ZNF644: variants seen among roughly 807,000 people sequenced by gnomAD.
The protein encoded by ZNF644 is zinc finger protein 644, also known as zinc finger motif enhancer binding protein 2.
In ZNF644, 20 loss-of-function variants were observed where a neutral mutation model predicts 108.0. That is an observed-to-expected ratio of 0.19 (90% CI 0.13 to 0.27). The LOEUF is 0.27. Ranked by LOEUF, ZNF644 falls within the 10% of genes least tolerant of loss-of-function variation. The pLI is 1.00. For missense variants in ZNF644, 1,338 were observed against 1,548.9 expected (o/e 0.86, Z 2.29); for synonymous variants, 542 against 539.1 (o/e 1.01, Z -0.08).
chr1:91,016,652 TGAAA>T (rs1204820717), intron 1 of ZNF644, among the ~76,000 whole-genome samples: 11 of 152,210 alleles, frequency 7.2e-5, no homozygotes, highest in South Asian at 2.1e-4. Context: ...AAGAAACTAA[TGAAA>T]GAGATACTTT....
chr1:91,006,325 T>C (rs1255772836), intron 1 of ZNF644, among the ~76,000 whole-genome samples: 1 of 152,132 alleles, frequency 6.6e-6, no homozygotes, highest in Non-Finnish European at 1.5e-5. Flanking sequence ...GGATAGATCA[T>C]TTGAGCCCAG....
intron 2 of ZNF644, among the ~76,000 whole-genome samples, chr1:90,954,336 G>A (rs370287423): frequency 7.9e-4 from 120 of 152,028 alleles, no homozygotes; most frequent in African/African-American, 2.4e-3. Context: ...CACTTTCTTC[G>A]CTAGAGAAGC....
At chr1:90,961,605 A>G (rs1654349893) in intron 2 of ZNF644, among the ~76,000 whole-genome samples, 1 of 152,156 alleles carries the variant, frequency 6.6e-6, no homozygotes, top group Non-Finnish European at 1.5e-5. Context: ...TAAGTGAGAC[A>G]TTAAAGAGAT....
chr1:90,957,883 C>A (rs1046654081), intron 2 of ZNF644, among the ~76,000 whole-genome samples: 2 of 152,008 alleles, frequency 1.3e-5, no homozygotes. Context: ...TCCTTAGCAT[C>A]CACAAAAAAA....
rs762195019 is a variant in ZNF644, at chr1:90,937,607, G to C, written c.3566C>G (p.Ser1189Cys). 3.1e-6 allele frequency: 5 copies of C among 1,613,848 alleles called. No individual in the cohort carries two copies. The highest frequency in any genetic ancestry group is 1.7e-5 in the Admixed American group (1 of 59,994). Residue 1189 changes from serine (S) to cysteine (C), a missense_variant, in exon 4 of 6, where the codon TCT (serine) becomes TGT (cysteine). This residue lies in a region of ZNF644 where 287 missense variants were observed against 310.9 expected (regional missense o/e 0.92). Coordinates refer to ENST00000337393, the MANE Select transcript of ZNF644 (RefSeq NM_201269.3). ...RMGEERNSAISPQKIHNQTAR... is the reference protein window; with the variant it reads ...RMGEERNSAICPQKIHNQTAR... The stretch of plus-strand genomic sequence containing the variant: ...TGTCTGATTATGGATCTTTTGAGGA[G>C]AAATAGCAGAATTCCTTTCTTCTCC...
intron 2 of ZNF644, chr1:90,973,214 C>G (rs1655672878): frequency 6.6e-6 from 1 of 151,520 alleles, no homozygotes; most frequent in Non-Finnish European, 1.5e-5. Flanking sequence ...CCAGAATAAC[C>G]TGAGAGGGAG....
At chr1:90,949,253 G>A (rs1035916073) in intron 2 of ZNF644, among the ~76,000 whole-genome samples, 6 of 151,444 alleles carry the variant, frequency 4.0e-5, no homozygotes, top group African/African-American at 1.5e-4. Flanking sequence ...ACATGGAAAA[G>A]TATGACATCT....
intron 2 of ZNF644, among the ~76,000 whole-genome samples, chr1:90,968,060 CAAAAAAAAA>C (rs763728133): frequency 3.0e-5 from 2 of 67,244 alleles, no homozygotes; most frequent in Non-Finnish European, 2.6e-5. Flanking sequence ...GACTCCGTCT[CAAAAAAAAA>C]AAAAAAAAAA....
At chr1:90,974,977 T>G (rs1393071632) in intron 2 of ZNF644, among the ~76,000 whole-genome samples, 2 of 152,216 alleles carry the variant, frequency 1.3e-5, no homozygotes, top group African/African-American at 4.8e-5. Flanking sequence ...CTTCCCTTTC[T>G]GTTACCTCTC....
At chr1:91,002,661 A>C (rs1321348654) in intron 1 of ZNF644, among the ~76,000 whole-genome samples, 1 of 152,198 alleles carries the variant, frequency 6.6e-6, no homozygotes, top group Non-Finnish European at 1.5e-5. Context: ...ATGGCAACAA[A>C]AGCCAAAATT....
At position 90,940,229 on chromosome 1, in the gene ZNF644, T is replaced by C. The variant is rs756367134; in HGVS notation, c.1125A>G (p.Ser375=). Residue 375 remains serine, a synonymous_variant, in exon 3 of 6, where the codon TCA becomes TCG. Coordinates refer to ENST00000337393, the MANE Select transcript of ZNF644 (RefSeq NM_201269.3). ...YNPDKCGEES[S]PVHTSTFLSN... ...AAAGAAAAGTGCTAGTATGAACAGG[T>C]GAACTCTCTTCTCCACACTTATCTG... The C allele has an allele frequency of 1.2e-5, 19 of 1,613,894 alleles. No homozygotes were observed. The highest frequency in any genetic ancestry group is 3.3e-4 in the Middle Eastern group (2 of 6,084).
chr1:90,948,707 T>G (rs1364255082), intron 2 of ZNF644, among the ~76,000 whole-genome samples: 1 of 152,188 alleles, frequency 6.6e-6, no homozygotes, highest in African/African-American at 2.4e-5. Flanking sequence ...CACGTTTAAG[T>G]GGACCTGCAC....
chr1:90,960,246 G>C (rs1049002831), intron 2 of ZNF644, among the ~76,000 whole-genome samples: 3 of 152,102 alleles, frequency 2.0e-5, no homozygotes, highest in Non-Finnish European at 2.9e-5. Context: ...TAAGATCTAC[G>C]TAAGAACAAA....
intron 1 of ZNF644, among the ~76,000 whole-genome samples, chr1:91,018,698 A>C (rs892410767): frequency 2.6e-5 from 4 of 152,226 alleles, no homozygotes; most frequent in African/African-American, 9.6e-5. Flanking sequence ...ATCCTGAGAA[A>C]ATGGTCTAAA....
chr1:91,003,294 A>G (rs1659069426), intron 1 of ZNF644, among the ~76,000 whole-genome samples: 1 of 152,148 alleles, frequency 6.6e-6, no homozygotes, highest in African/African-American at 2.4e-5. Context: ...ATGTCCATCA[A>G]TGATAGACTG....
intron 2 of ZNF644, among the ~76,000 whole-genome samples, chr1:90,965,496 C>T (rs554046986): frequency 4.6e-5 from 7 of 152,188 alleles, no homozygotes; most frequent in South Asian, 4.2e-4. Flanking sequence ...GAAGTAGAGG[C>T]GGACAGGATT....
intron 2 of ZNF644, among the ~76,000 whole-genome samples, chr1:90,944,094 T>C (rs867542901): frequency 1.3e-5 from 2 of 152,218 alleles, no homozygotes; most frequent in East Asian, 1.9e-4. Context: ...TCAGTGTTAA[T>C]GAGTGGCTTC....
intron 1 of ZNF644, among the ~76,000 whole-genome samples, chr1:91,012,470 CCT>C (rs1660048315): frequency 6.6e-6 from 1 of 151,088 alleles, no homozygotes; most frequent in South Asian, 2.1e-4. Context: ...AGACTGAGAC[CCT>C]GTCTCAAAAG....
chr1:91,009,340 T>C (rs898984652), intron 1 of ZNF644, among the ~76,000 whole-genome samples: 2 of 152,102 alleles, frequency 1.3e-5, no homozygotes, highest in Non-Finnish European at 2.9e-5. Flanking sequence ...AAAGAGGATT[T>C]AAAAAACTGT....
Sources: allele counts gnomAD v4.1 joint callset (sites outside exome capture counted in the v4.1 genomes callset), GRCh38; gene constraint gnomAD v4.1.1; regional missense constraint gnomAD v4.1.1; transcripts MANE v1.5; gene names NCBI Gene and HGNC (gene_info 2026-07-23, HGNC 2026-07-21).